The following BPTF variants were observed in gnomAD, a reference collection of about 807,000 sequenced individuals.
BPTF encodes the protein nucleosome-remodeling factor subunit BPTF.
Under a neutral mutation model 292.5 loss-of-function variants are expected in BPTF, and 18 were observed. The observed-to-expected ratio is 0.06, with a 90% CI of 0.04 to 0.09. BPTF has a LOEUF of 0.09. BPTF is among the 10% of genes least tolerant of loss of function. The pLI is 1.00. For missense variants in BPTF, 2,726 were observed against 3,498.7 expected (o/e 0.78, Z 5.57); for synonymous variants, 1,225 against 1,251.9 (o/e 0.98, Z 0.45).
At chr17:67,868,343 C>A (rs1358536470) in intron 3 of BPTF, among the ~76,000 whole-genome samples, 4 of 152,030 alleles carry the variant, frequency 2.6e-5, no homozygotes, top group Non-Finnish European at 5.9e-5. Context: ...TAAATACCAC[C>A]TGTGTTTTCT....
At chr17:67,974,533 AG>A (rs755913402) in intron 26 of BPTF, 7 of 152,310 alleles carry the variant, frequency 4.6e-5, no homozygotes, top group Non-Finnish European at 7.3e-5. Context: ...CCCCCTCTTC[AG>A]ATGCCGGTCG....
At chr17:67,896,190 C>CT (rs1253078108) in intron 7 of BPTF, among the ~76,000 whole-genome samples, 14 of 151,970 alleles carry the variant, frequency 9.2e-5, no homozygotes, top group Admixed American at 9.2e-4. Flanking sequence ...TCTCCATCTC[C>CT]TGACCTTGTG....
chr17:67,909,273 C>A lies in BPTF; in HGVS notation c.2813-309C>A, dbSNP rs1176531242. ...GCATGAGCCACCGCACCAGGTCCCCCCCCCCCTTTTTTTTTTTATCCTGCA... is the reference window on the plus strand; with the variant it reads ...GCATGAGCCACCGCACCAGGTCCCCACCCCCCTTTTTTTTTTTATCCTGCA... On this transcript the variant is annotated intron_variant, in intron 9 of 27. Transcript: ENST00000306378. Among the ~76,000 whole-genome samples, 17 of 86,784 alleles carry A rather than the reference C, an allele frequency of 2.0e-4. 1 individual carries two copies. Among genetic ancestry groups the A allele is most frequent in the Non-Finnish European group, 3.4e-4 (13 of 38,798 alleles). The allele number at this position is 86,784 out of a possible 152,430, so 56.9% of individuals were successfully genotyped here. A position where few individuals can be genotyped will look rare whatever the true frequency, so the allele number is the denominator to read the frequency against.
At position 67,929,338 on chromosome 17, in the gene BPTF, G is replaced by A. The variant is rs201775041; in HGVS notation, c.6001G>A (p.Val2001Ile). 6.7e-5 allele frequency: 108 copies of A among 1,611,920 alleles called. No individual in the cohort carries two copies. Among genetic ancestry groups the A allele is most frequent in the East Asian group, 2.5e-4 (11 of 44,862 alleles). The change falls in exon 17 of 28, where the codon GTT becomes ATT. Residue 2001 changes from valine (V) to isoleucine (I), a missense_variant and splice_region_variant. By Grantham distance (29) the Val-to-Ile change is conservative. Transcript: ENST00000306378. ...WVKQGQSNSG[V>I]VQVQQKVLGI... is the part of the protein sequence containing the mutation. ...TTATGGCTTCATCTTTTTTTAAGGC[G>A]TTGTTCAAGTACAGCAGAAAGTCCT...
intron 2 of BPTF, among the ~76,000 whole-genome samples, chr17:67,862,142 A>C (rs544202368): frequency 6.6e-6 from 1 of 152,036 alleles, no homozygotes; most frequent in East Asian, 1.9e-4. Context: ...CACCCGGCTA[A>C]TTTTTGTATT....
At chr17:67,969,615 A>G (rs1334666176) in intron 26 of BPTF, among the ~76,000 whole-genome samples, 2 of 146,712 alleles carry the variant, frequency 1.4e-5, no homozygotes, top group Admixed American at 1.4e-4. Flanking sequence ...AGTTGAATAT[A>G]CCTTAGCTTA....
chr17:67,889,522 TGAA>T (rs1466185171), intron 4 of BPTF, among the ~76,000 whole-genome samples: 1 of 152,170 alleles, frequency 6.6e-6, no homozygotes, highest in Admixed American at 6.5e-5. Flanking sequence ...CTCCATGATC[TGAA>T]GGCCAGGCGC....
Position 67,842,661 on chromosome 17 carries a change from T to C in BPTF, c.614-11279T>C, listed in dbSNP as rs545100921. On this transcript the variant is annotated intron_variant, in intron 1 of 27. Coordinates refer to ENST00000306378, the MANE Select transcript of BPTF (RefSeq NM_182641.4). ...AAGGCTGTGGTCCACAATGAAAATA[T>C]AAAACATGTCTCTATAAAACATATA... Among the ~76,000 whole-genome samples the C allele has an allele frequency of 2.1e-3, 325 of 152,190 alleles. 3 individuals carry two copies. The highest frequency in any genetic ancestry group is 7.5e-3 in the African/African-American group (312 of 41,566).
chr17:67,866,445 TCCC>T lies in BPTF; in HGVS notation c.1437-15_1437-13del, dbSNP rs770887877. The T allele has an allele frequency of 1.3e-6, 2 of 1,538,714 alleles. No individual in the cohort carries two copies. The highest frequency in any genetic ancestry group is 2.2e-5 in the South Asian group (2 of 89,186). On this transcript the variant is annotated splice_polypyrimidine_tract_variant and intron_variant, in intron 2 of 27. Coordinates refer to ENST00000306378, the MANE Select transcript of BPTF (RefSeq NM_182641.4). ...CATTATGTCTAACATATAAAGTATT[TCCC>T]CCCATTTTTAAACAGAGAAGAAGAT...
rs1310517349 is a variant in BPTF, at chr17:67,982,388, A to T, written c.*100A>T. 1.7e-6 allele frequency: 2 copies of T among 1,153,772 alleles called. No individual in the cohort carries two copies. The highest frequency in any genetic ancestry group is 3.1e-5 in the African/African-American group (2 of 64,596). The allele number at this position is 1,153,772 out of a possible 1,614,324, so 71.5% of individuals were successfully genotyped here. On this transcript the variant is annotated 3_prime_UTR_variant, in exon 28 of 28. Coordinates refer to ENST00000306378, the MANE Select transcript of BPTF (RefSeq NM_182641.4). ...ATGTTTTTAGTCAGGCTATCCTGACAAGACTTGACCTAAACTTCGTTTTTA... is the reference window on the plus strand; with the variant it reads ...ATGTTTTTAGTCAGGCTATCCTGACTAGACTTGACCTAAACTTCGTTTTTA...
chr17:67,935,444 A>G (rs1017791237), intron 18 of BPTF, among the ~76,000 whole-genome samples: 1 of 151,966 alleles, frequency 6.6e-6, no homozygotes, highest in African/African-American at 2.4e-5. Flanking sequence ...AGAAAAAAGG[A>G]AAGAAAATGA....
intron 26 of BPTF, chr17:67,974,150 T>A (rs1228456369): frequency 6.6e-6 from 1 of 152,244 alleles, no homozygotes; most frequent in Non-Finnish European, 1.5e-5. Flanking sequence ...TGGAGATTAC[T>A]GGCCTTTCAC....
intron 7 of BPTF, among the ~76,000 whole-genome samples, chr17:67,901,695 A>G (rs1005529179): frequency 6.6e-6 from 1 of 152,256 alleles, no homozygotes; most frequent in East Asian, 1.9e-4. Context: ...AAACAATGGG[A>G]TAGTATTTTT....
At position 67,959,574 on chromosome 17, in the gene BPTF, G is replaced by A. The variant is rs782539445; in HGVS notation, c.7960G>A (p.Glu2654Lys). 3.9e-6 allele frequency: 6 copies of A among 1,529,874 alleles called. No individual in the cohort carries two copies. The highest frequency in any genetic ancestry group is 5.2e-6 in the Non-Finnish European group (6 of 1,144,862). The allele number at this position is 1,529,874 out of a possible 1,614,324, so 94.8% of individuals were successfully genotyped here. The change falls in exon 24 of 28, where the codon GAA (glutamate) becomes AAA (lysine). Residue 2654 changes from glutamate (E) to lysine (K), a missense_variant. Physicochemically the swap from Glu to Lys is moderately conservative, Grantham distance 56 (BLOSUM62 1). Around this residue, in one of 22 missense-constraint regions of BPTF, gnomAD observed 148 missense variants for 145.5 expected, o/e 1.02. Coordinates refer to ENST00000306378, the MANE Select transcript of BPTF (RefSeq NM_182641.4). ...GAAGAGAGACCTGAAAATTAAGAAA[G>A]AAAAAGACCTGATGCAGTTGGCTCA... ...ELKRDLKIKK[E>K]KDLMQLAQAT...
At chr17:67,885,951 TAAAA>T (rs1567978825) in intron 4 of BPTF, among the ~76,000 whole-genome samples, 2 of 152,116 alleles carry the variant, frequency 1.3e-5, no homozygotes, top group Non-Finnish European at 2.9e-5. Context: ...CTGGAAGACT[TAAAA>T]AAATAAGGTG....
chr17:67,892,430 C>T (rs1402217833), intron 5 of BPTF, among the ~76,000 whole-genome samples: 1 of 152,164 alleles, frequency 6.6e-6, no homozygotes, highest in African/African-American at 2.4e-5. Flanking sequence ...GAACCTGCAG[C>T]TAATTAGAGG....
At chr17:67,865,899 C>G (rs2059366298) in intron 2 of BPTF, among the ~76,000 whole-genome samples, 1 of 152,126 alleles carries the variant, frequency 6.6e-6, no homozygotes, top group Non-Finnish European at 1.5e-5. Context: ...TGAGATAACT[C>G]CTTCAAAAAC....
rs1568136752 is a variant in BPTF, at chr17:67,944,361, C to T, written c.6689C>T (p.Thr2230Met). Residue 2230 changes from threonine to methionine, a missense_variant, in exon 20 of 28, where the codon ACG (threonine) becomes ATG (methionine). Around this residue, in one of 22 missense-constraint regions of BPTF, gnomAD observed 570 missense variants for 633.5 expected, o/e 0.90. Transcript: ENST00000306378. ...AGCACCACCACCACCACTGTTTCCA[C>T]GACAGCAGCAGGTAGAGCTGTGGGT... ...TASTTTTTVS[T>M]TAAGTGEQRQ... 1.9e-6 allele frequency: 3 copies of T among 1,613,032 alleles called. No homozygotes were observed. Among genetic ancestry groups the T allele is most frequent in the Non-Finnish European group, 2.5e-6 (3 of 1,180,002 alleles).
chr17:67,947,404 C>G (rs2065894363), intron 21 of BPTF, among the ~76,000 whole-genome samples: 1 of 152,138 alleles, frequency 6.6e-6, no homozygotes, highest in African/African-American at 2.4e-5. Context: ...GTTAAAATTT[C>G]AGCTGTATTA....
Sources: allele counts gnomAD v4.1 joint callset (sites outside exome capture counted in the v4.1 genomes callset), GRCh38; gene constraint gnomAD v4.1.1; regional missense constraint gnomAD v4.1.1; transcripts MANE v1.5; gene names NCBI Gene and HGNC (gene_info 2026-07-23, HGNC 2026-07-21).